Variants in SMG1 observed in about 807,000 individuals in gnomAD.
The protein encoded by SMG1 is serine/threonine-protein kinase SMG1.
Under a neutral mutation model 419.9 loss-of-function variants are expected in SMG1, and 22 were observed. The observed-to-expected ratio is 0.05, with a 90% confidence interval of 0.04 to 0.07. The LOEUF (loss-of-function observed/expected upper bound fraction) is 0.07, where lower values mean the gene tolerates loss of function less well. Ranked by LOEUF, SMG1 falls within the 10% of genes least tolerant of loss-of-function variation. The pLI is 1.00. For missense variants in SMG1, 3,185 were observed against 4,342.0 expected, an observed-to-expected ratio of 0.73 and a Z score of 7.49; for synonymous variants, 1,538 against 1,553.5, an observed-to-expected ratio of 0.99 and a Z score of 0.23.
chr16:18,816,373 T>A lies in SMG1; in HGVS notation c.10231A>T (p.Ile3411Leu), dbSNP rs374352490. 1 of 1,614,002 alleles carries A rather than the reference T, an allele frequency of 6.2e-7. No individual in the cohort carries two copies. Among genetic ancestry groups the A allele is most frequent in the Admixed American group, 1.7e-5 (1 of 60,026 alleles). The change falls in exon 58 of 63, where the codon ATA becomes TTA. Residue 3411 changes from isoleucine (I) to leucine (L), a missense_variant. By Grantham distance (5) the Ile-to-Leu change is conservative. This residue lies in a region of SMG1 where 737 missense variants were observed against 846.6 expected (regional missense o/e 0.87). Coordinates refer to ENST00000446231, the MANE Select transcript of SMG1 (RefSeq NM_015092.5). ...TTATGACCAGTGAGCACAGTCTTTA[T>A]ATTATCAACCAGATTCTGAATTGTT... ...CETIQNLVDN[I>L]KTVLTGHNRQ...
At chr16:18,893,881 C>T (rs1276366887) in intron 3 of SMG1, among the ~76,000 whole-genome samples, 1 of 151,890 alleles carries the variant, frequency 6.6e-6, no homozygotes, top group East Asian at 1.9e-4. Flanking sequence ...CGTGGTGGAA[C>T]TTCGTCTCTA....
At chr16:18,925,855 C>A (rs907314129) in intron 1 of SMG1, 95 bp downstream of exon 1, 4 of 950,380 alleles carry the variant, frequency 4.2e-6, no homozygotes, top group African/African-American at 3.5e-5. Context: ...GGGTGGAGGG[C>A]CTAGGCCGCG....
Position 18,828,042 on chromosome 16 carries a change from C to T in SMG1, c.9730G>A (p.Ala3244Thr), listed in dbSNP as rs527865468. The change falls in exon 55 of 63, where the codon GCA becomes ACA. Residue 3244 changes from alanine to threonine, a missense_variant. Around this residue, in one of 27 missense-constraint regions of SMG1, gnomAD observed 737 missense variants for 846.6 expected, o/e 0.87. Coordinates refer to ENST00000446231, the MANE Select transcript of SMG1 (RefSeq NM_015092.5). Reference sequence around the variant, plus strand: ...CTGGCAAAACACACCTGAACTGTTGCAATAGAAGTTTCAATCTGGCTCAGG... The same window carrying T: ...CTGGCAAAACACACCTGAACTGTTGTAATAGAAGTTTCAATCTGGCTCAGG... Reference protein sequence around the residue: ...HTLSQIETSIATVQEKLAALE... With the variant: ...HTLSQIETSITTVQEKLAALE... The T allele has an allele frequency of 2.5e-6, 4 of 1,612,056 alleles. No individual in the cohort carries two copies. The South Asian group carries it at 4.4e-5, about 18-fold the overall frequency.
rs569679854 is a variant in SMG1 at position 18,871,408 on chromosome 16, G to A, written c.2258C>T (p.Ser753Phe). The A allele has an allele frequency of 3.8e-6, 6 of 1,596,756 alleles. No homozygotes were observed. The highest frequency in any genetic ancestry group is 1.8e-5 in the Admixed American group (1 of 56,758). The change falls in exon 16 of 63, where the codon TCT (serine) becomes TTT (phenylalanine). Residue 753 changes from serine (S) to phenylalanine (F), a missense_variant. Physicochemically the swap from Ser to Phe is radical, Grantham distance 155 (BLOSUM62 -2). Transcript: ENST00000446231. ...GCAAAATTTATGGAAAGACGGAAGA[G>A]AGAATAAAGGTGCGTATGTTTCAGA... ...KKSETYAPLFSLPSFHKFCKG... is the reference protein window; with the variant it reads ...KKSETYAPLFFLPSFHKFCKG...
chr16:18,921,847 G>A (rs531301465), intron 1 of SMG1, among the ~76,000 whole-genome samples: 56 of 152,136 alleles, frequency 3.7e-4, no homozygotes, highest in Non-Finnish European at 5.0e-4. Context: ...GAAGATGTGT[G>A]TACTTTTGAA....
chr16:18,810,967 A>G (rs1338693053), intron 62 of SMG1, among the ~76,000 whole-genome samples: 1 of 152,194 alleles, frequency 6.6e-6, no homozygotes, highest in Non-Finnish European at 1.5e-5. Flanking sequence ...GGGCATTCCT[A>G]TAACTTTTCT....
At chr16:18,880,060 T>C (rs2141694353) in intron 10 of SMG1, among the ~76,000 whole-genome samples, 1 of 152,322 alleles carries the variant, frequency 6.6e-6, no homozygotes, top group South Asian at 2.1e-4. Context: ...GTAATGGTAT[T>C]GACAGCATGG....
chr16:18,816,282 GT>G lies in SMG1; in HGVS notation c.10302+19del, dbSNP rs2031991287. On this transcript the variant is annotated intron_variant, in intron 58 of 62. Transcript: ENST00000446231. ...TATAACAGAGGGAGAGTAAATGTGTGTTCATGGTATTAGTCTTACCTTAGCC... is the reference window on the plus strand; with the variant it reads ...TATAACAGAGGGAGAGTAAATGTGTGTCATGGTATTAGTCTTACCTTAGCC... 6.3e-7 allele frequency: 1 copy of G among 1,579,420 alleles called. No homozygotes were observed. Among genetic ancestry groups the G allele is most frequent in the Admixed American group, 1.7e-5 (1 of 58,510 alleles).
At chr16:18,814,599 G>C (rs745371703) in intron 60 of SMG1, among the ~76,000 whole-genome samples, 1 of 151,970 alleles carries the variant, frequency 6.6e-6, no homozygotes, top group Non-Finnish European at 1.5e-5. Flanking sequence ...TTTTGAGACA[G>C]AGTCTTGCTC....
At chr16:18,828,987 A>C (rs2032964304) in intron 54 of SMG1, among the ~76,000 whole-genome samples, 1 of 148,094 alleles carries the variant, frequency 6.8e-6, no homozygotes, top group Non-Finnish European at 1.5e-5. Flanking sequence ...AAGAAGAGCA[A>C]AACTCCATCT....
intron 1 of SMG1, among the ~76,000 whole-genome samples, chr16:18,922,629 T>TA (rs1224292039): frequency 6.6e-6 from 1 of 152,172 alleles, no homozygotes; most frequent in Non-Finnish European, 1.5e-5. Context: ...CATATCCCGC[T>TA]AATTTATTTA....
intron 1 of SMG1, among the ~76,000 whole-genome samples, chr16:18,924,626 G>C (rs1412713299): frequency 1.8e-4 from 27 of 151,870 alleles, no homozygotes; most frequent in Non-Finnish European, 2.9e-5. Context: ...ACTCTTAAGT[G>C]GTACAAGACA....
Position 18,847,836 on chromosome 16 carries a change from T to G in SMG1, c.5821A>C (p.Asn1941His). 1 of 1,614,026 alleles carries G rather than the reference T, an allele frequency of 6.2e-7. No individual in the cohort carries two copies. The highest frequency in any genetic ancestry group is 8.5e-7 in the Non-Finnish European group (1 of 1,179,882). The change falls in exon 37 of 63, where the codon AAC becomes CAC. Residue 1941 changes from asparagine (N) to histidine (H), a missense_variant. Transcript: ENST00000446231. The stretch of plus-strand genomic sequence containing the variant: ...TGTACCTGTAATACCATGGTGGGGT[T>G]TGCAGAGGACAGCTTATCTACAATT... ...SKIVDKLSSA[N>H]PTMVLQVQML... is the part of the protein sequence containing the mutation.
At position 18,852,093 on chromosome 16, in the gene SMG1, C is replaced by A; in HGVS notation, c.5026G>T (p.Ala1676Ser). The A allele has an allele frequency of 6.2e-7, 1 of 1,612,674 alleles. No homozygotes were observed. The highest frequency in any genetic ancestry group is 8.5e-7 in the Non-Finnish European group (1 of 1,179,388). Reference sequence around the variant, plus strand: ...TGAATCCCCGCCGGCCGACACACAGCCTGTCCAAGAATACCATATATTCTC... The same window carrying A: ...TGAATCCCCGCCGGCCGACACACAGACTGTCCAAGAATACCATATATTCTC... ...KERIYGILGQ[A>S]VCRPAGIQDE... Residue 1676 changes from alanine (A) to serine (S), a missense_variant, in exon 33 of 63, where the codon GCT becomes TCT. Around this residue, in one of 27 missense-constraint regions of SMG1, gnomAD observed 493 missense variants for 552.9 expected, o/e 0.89. Coordinates refer to ENST00000446231, the MANE Select transcript of SMG1 (RefSeq NM_015092.5).
chr16:18,841,571 T>C lies in SMG1; in HGVS notation c.6690A>G (p.Ala2230=), dbSNP rs2141298858. 6.2e-7 allele frequency: 1 copy of C among 1,611,712 alleles called. No homozygotes were observed. Among genetic ancestry groups the C allele is most frequent in the South Asian group, 1.1e-5 (1 of 90,944 alleles). Residue 2230 remains alanine, a synonymous_variant, in exon 41 of 63, where the codon GCA becomes GCG. Coordinates refer to ENST00000446231, the MANE Select transcript of SMG1 (RefSeq NM_015092.5). ...RWQQREAALQ[A]QKAQDSYQTP... is the part of the protein sequence containing the mutation. ...TGTAGATGATTTAATCAACCTTTTG[T>C]GCTTGTAAGGCAGCTTCCCGTTGTT... is the stretch of plus-strand genomic sequence containing the variant.
In SMG1 at chr16:18,836,559, A is replaced by G. The variant is rs760934158; in HGVS notation, c.7605-27T>C. ...TAATCAGGGGGACACAAACAAAATC[A>G]AAAGATTTATTGCTGTTTTCTTCCA... On this transcript the variant is annotated intron_variant, in intron 46 of 62. Transcript: ENST00000446231. The G allele has an allele frequency of 3.1e-6, 5 of 1,610,216 alleles. No homozygotes were observed. The African/African-American group carries it at 6.7e-5, about 22-fold the overall frequency.
At position 18,834,463 on chromosome 16, in the gene SMG1, G is replaced by A. The variant is rs76210490; in HGVS notation, c.8331-25C>T. 34 of 1,594,540 alleles carry A rather than the reference G, an allele frequency of 2.1e-5. No homozygotes were observed. In the African/African-American group the frequency reaches 4.2e-4, roughly 20 times the overall value. ...CCTACAAGAGATAAATATCTGTACA[G>A]TGAAACTTAAATGTATAAACAAAAC... On this transcript the variant is annotated intron_variant, in intron 49 of 62. Coordinates refer to ENST00000446231, the MANE Select transcript of SMG1 (RefSeq NM_015092.5).
At position 18,849,238 on chromosome 16, in the gene SMG1, T is replaced by A. The variant is rs1361626011; in HGVS notation, c.5602A>T (p.Ser1868Cys). ...YPAIVGTISL[S>C]SESQASGNKF... Reference sequence around the variant, plus strand: ...ATACCTGAAGCCTGGGATTCACTACTAAGCGATATGGTACCCACTATTGCA... The same window carrying A: ...ATACCTGAAGCCTGGGATTCACTACAAAGCGATATGGTACCCACTATTGCA... Residue 1868 changes from serine (S) to cysteine (C), a missense_variant, in exon 36 of 63, where the codon AGT (serine) becomes TGT (cysteine). Physicochemically the swap from Ser to Cys is moderately radical, Grantham distance 112. Around this residue, in one of 27 missense-constraint regions of SMG1, gnomAD observed 130 missense variants for 162.0 expected, o/e 0.80. Transcript: ENST00000446231. The A allele has an allele frequency of 6.2e-7, 1 of 1,611,758 alleles. No individual in the cohort carries two copies. The highest frequency in any genetic ancestry group is 1.1e-5 in the South Asian group (1 of 90,900).
At position 18,850,437 on chromosome 16, in the gene SMG1, T is replaced by C; in HGVS notation, c.5083A>G (p.Ser1695Gly). The change falls in exon 34 of 63, where the codon AGT becomes GGT. Residue 1695 changes from serine to glycine, a missense_variant. By Grantham distance (56) the Ser-to-Gly change is moderately conservative. Around this residue, in one of 27 missense-constraint regions of SMG1, gnomAD observed 493 missense variants for 552.9 expected, o/e 0.89. Coordinates refer to ENST00000446231, the MANE Select transcript of SMG1 (RefSeq NM_015092.5). ...ATGTCATCTTCTTCGTTGTCTTCAC[T>C]CTCAGTTATCTGAAGTGTTATATCT... is the stretch of plus-strand genomic sequence containing the variant. Reference protein sequence around the residue: ...DEDITLQITESEDNEEDDMVD... With the variant: ...DEDITLQITEGEDNEEDDMVD... The C allele has an allele frequency of 6.2e-7, 1 of 1,613,498 alleles. No homozygotes were observed. The highest frequency in any genetic ancestry group is 2.2e-5 in the East Asian group (1 of 44,872).
Sources: gnomAD v4.1 joint callset for allele counts (sites outside exome capture counted in the v4.1 genomes callset) on GRCh38, gnomAD v4.1.1 for gene constraint, gnomAD v4.1.1 regional missense constraint, MANE v1.5 for transcripts, NCBI Gene and HGNC (gene_info 2026-07-23, HGNC 2026-07-21) for gene names.